MEGF10: variants seen among roughly 807,000 people sequenced by gnomAD.
The protein encoded by MEGF10 is multiple epidermal growth factor-like domains protein 10.
Under a neutral mutation model 147.5 loss-of-function variants are expected in MEGF10, and 86 were observed. The observed-to-expected ratio is 0.58, with a 90% confidence interval of 0.49 to 0.70. The LOEUF (loss-of-function observed/expected upper bound fraction) is 0.70, where lower values mean the gene tolerates loss of function less well. Among genes scored for constraint, MEGF10 ranks in the 30% least tolerant of loss-of-function variants. The pLI, the probability that MEGF10 is intolerant of heterozygous loss-of-function variation, is 0.00. For synonymous variants in MEGF10, 478 were observed against 525.5 expected (o/e 0.91, Z 1.24); for missense variants, 1,329 against 1,487.3 (o/e 0.89, Z 1.75).
chr5:127,433,408 A>ACT lies in MEGF10; in HGVS notation c.1740_1741dup (p.Cys581SerfsTer169), dbSNP rs2126999953. The stretch of plus-strand genomic sequence containing the variant: ...TGTGCTGAGGGACGCTGGGGCCCCA[A>ACT]CTGCTCCCTGCCCTGCTACTGTAAA... On this transcript the variant is annotated frameshift_variant, in exon 14 of 25. Transcript: ENST00000503335. LOFTEE classifies it high-confidence loss of function. 1 of 1,614,146 alleles carries ACT rather than the reference A, an allele frequency of 6.2e-7. No homozygotes were observed. Among genetic ancestry groups the ACT allele is most frequent in the South Asian group, 1.1e-5 (1 of 91,076 alleles).
the MEGF10 span, among the ~76,000 whole-genome samples, chr5:127,254,943 T>C: frequency 1.1e-4 from 17 of 151,188 alleles, no homozygotes; most frequent in Non-Finnish European, 4.4e-5. Context: ...TTAATTAATG[T>C]AGAACTAGCC....
At chr5:127,358,987 G>A (rs796960656) in intron 4 of MEGF10, among the ~76,000 whole-genome samples, 1 of 151,564 alleles carries the variant, frequency 6.6e-6, no homozygotes, top group South Asian at 2.1e-4. Context: ...AGGATTATGT[G>A]CCCCACAGAT....
chr5:127,233,001 G>T, the MEGF10 span, among the ~76,000 whole-genome samples: 3 of 152,102 alleles, frequency 2.0e-5, no homozygotes, highest in African/African-American at 2.4e-5. Flanking sequence ...TGTCATTTGG[G>T]TGTTCTCTCT....
upstream of MEGF10, among the ~76,000 whole-genome samples, chr5:127,289,055 G>A (rs187496367): frequency 6.6e-6 from 1 of 152,294 alleles, no homozygotes; most frequent in African/African-American, 2.4e-5. Context: ...CAGCTAAGCG[G>A]GCCAAATATG....
intron 5 of MEGF10, among the ~76,000 whole-genome samples, chr5:127,370,806 C>T (rs1044528026): frequency 6.6e-6 from 1 of 152,120 alleles, no homozygotes; most frequent in Non-Finnish European, 1.5e-5. Flanking sequence ...CTTTATACTT[C>T]TTTTTTCGCC....
At chr5:127,339,733 T>G (rs1339957871) in intron 3 of MEGF10, among the ~76,000 whole-genome samples, 32 of 152,162 alleles carry the variant, frequency 2.1e-4, no homozygotes, top group Non-Finnish European at 4.4e-5. Flanking sequence ...GGTAGTATAC[T>G]AACATTTATA....
At chr5:127,253,803 T>G in the MEGF10 span, among the ~76,000 whole-genome samples, 9 of 151,968 alleles carry the variant, frequency 5.9e-5, no homozygotes, top group Admixed American at 2.0e-4. Context: ...AGAAAAGAAG[T>G]CTCAACCATG....
the MEGF10 span, among the ~76,000 whole-genome samples, chr5:127,283,244 T>C: frequency 2.7e-3 from 413 of 152,364 alleles, 2 homozygotes; most frequent in Non-Finnish European, 2.4e-3. Flanking sequence ...TTTTGCAACT[T>C]TCTTTTCACA....
the MEGF10 span, among the ~76,000 whole-genome samples, chr5:127,247,383 G>C: frequency 2.5e-3 from 45 of 18,294 alleles, 3 homozygotes; most frequent in South Asian, 6.0e-3. Flanking sequence ...AGAAGAAGAA[G>C]AAGAAGAAGA....
At chr5:127,264,574 C>T in the MEGF10 span, among the ~76,000 whole-genome samples, 5 of 152,176 alleles carry the variant, frequency 3.3e-5, no homozygotes, top group South Asian at 6.2e-4. Flanking sequence ...TCTGTGTCTT[C>T]GTTCTGCTTT....
intron 1 of MEGF10, among the ~76,000 whole-genome samples, chr5:127,315,672 G>C (rs1487424586): frequency 6.6e-6 from 1 of 152,208 alleles, no homozygotes; most frequent in South Asian, 2.1e-4. Flanking sequence ...TACTCAGGAG[G>C]CTGAGGTGAG....
chr5:127,231,956 T>G, the MEGF10 span, among the ~76,000 whole-genome samples: 59 of 152,344 alleles, frequency 3.9e-4, no homozygotes, highest in Admixed American at 1.6e-3. Context: ...CAGTGAATAT[T>G]TCTTGATTTA....
intron 13 of MEGF10, among the ~76,000 whole-genome samples, chr5:127,425,471 G>C (rs947723356): frequency 6.6e-6 from 1 of 152,030 alleles, no homozygotes; most frequent in African/African-American, 2.4e-5. Flanking sequence ...GTGGGCTGTT[G>C]GTCTGTAAGC....
intron 4 of MEGF10, among the ~76,000 whole-genome samples, chr5:127,345,015 A>T (rs543811098): frequency 2.2e-4 from 34 of 152,282 alleles, no homozygotes; most frequent in African/African-American, 7.9e-4. Flanking sequence ...AAAGATCCTG[A>T]AGATTTTAAG....
chr5:127,300,802 A>C (rs1397671710), intron 1 of MEGF10, among the ~76,000 whole-genome samples: 1 of 152,212 alleles, frequency 6.6e-6, no homozygotes, highest in Non-Finnish European at 1.5e-5. Context: ...GTCAGAATGC[A>C]ATGCATTAGC....
At chr5:127,336,439 T>C (rs1041427411) in intron 2 of MEGF10, among the ~76,000 whole-genome samples, 3 of 152,042 alleles carry the variant, frequency 2.0e-5, no homozygotes, top group African/African-American at 4.8e-5. Flanking sequence ...CTAAATACTT[T>C]GATTGTCCTT....
intron 7 of MEGF10, among the ~76,000 whole-genome samples, chr5:127,399,987 C>T (rs976013961): frequency 1.3e-5 from 2 of 152,144 alleles, no homozygotes; most frequent in African/African-American, 4.8e-5. Flanking sequence ...ACAAAGCCAC[C>T]GTCTCTTTGG....
intron 1 of MEGF10, among the ~76,000 whole-genome samples, chr5:127,300,916 C>T (rs893989424): frequency 2.0e-5 from 3 of 152,192 alleles, no homozygotes; most frequent in African/African-American, 7.2e-5. Flanking sequence ...AACAAATGCA[C>T]CTCTCTAAGT....
At chr5:127,331,239 C>A in intron 1 of MEGF10, 52 bp from the exon 2 acceptor site, 1 of 947,380 alleles carries the variant, frequency 1.1e-6, no homozygotes, top group Non-Finnish European at 1.7e-6. Flanking sequence ...GAAAAGAATT[C>A]TGTGTGAGTC....
Sources: gnomAD v4.1 joint callset for allele counts (sites outside exome capture counted in the v4.1 genomes callset) on GRCh38, gnomAD v4.1.1 for gene constraint, MANE v1.5 for transcripts, NCBI Gene and HGNC (gene_info 2026-07-23, HGNC 2026-07-21) for gene names.